Variants in AVL9 observed in about 807,000 individuals in gnomAD.
The protein encoded by AVL9 is AVL9 cell migration associated, also known as late secretory pathway protein AVL9 homolog.
AVL9 carries 49 observed loss-of-function variants against 79.2 expected under a neutral mutation model. The observed-to-expected ratio is 0.62, with a 90% CI of 0.49 to 0.79. The LOEUF (loss-of-function observed/expected upper bound fraction) is 0.79, where lower values mean the gene tolerates loss of function less well. AVL9 is among the 30% of genes least tolerant of loss of function. The probability of loss-of-function intolerance (pLI) is 0.00; values close to 1 mark genes in which losing one functional copy is unlikely to be tolerated. For missense variants in AVL9, 682 were observed against 776.8 expected, an observed-to-expected ratio of 0.88 and a Z score of 1.45; for synonymous variants, 299 against 280.6, an observed-to-expected ratio of 1.07 and a Z score of -0.65.
intron 6 of AVL9, among the ~76,000 whole-genome samples, chr7:32,552,832 C>A (rs895130173): frequency 5.3e-5 from 8 of 151,894 alleles, no homozygotes; most frequent in Non-Finnish European, 1.0e-4. Flanking sequence ...TTTTTCTTTT[C>A]TTTGCGTTAA....
chr7:32,573,842 A>C (rs1419223413), intron 12 of AVL9, among the ~76,000 whole-genome samples: 1 of 152,262 alleles, frequency 6.6e-6, no homozygotes, highest in Non-Finnish European at 1.5e-5. Flanking sequence ...GAATATAAAA[A>C]ATAGAAATCA....
intron 13 of AVL9, among the ~76,000 whole-genome samples, chr7:32,579,339 CACATATTTTATA>C (rs1468901617): frequency 0.013 from 105 of 8,396 alleles, 2 homozygotes; most frequent in African/African-American, 0.031. Context: ...ATATATATAA[CACATATTTTATA>C]TAATATATAA....
rs936321940 is a variant in AVL9, at chr7:32,541,958, A to G, written c.94-1183A>G. On this transcript the variant is annotated intron_variant, in intron 1 of 15. Coordinates refer to ENST00000318709, the MANE Select transcript of AVL9 (RefSeq NM_015060.3). ...TCGAACTTCTGGCCTCAAGTGATCC[A>G]CCCGCCTCAGCTCCCAAAGTGTTGA... is the stretch of plus-strand genomic sequence containing the variant. Among the ~76,000 whole-genome samples, 6 of 151,938 alleles carry G rather than the reference A, an allele frequency of 3.9e-5. 1 individual carries two copies. The South Asian group carries it at 1.0e-3, about 26-fold the overall frequency.
chr7:32,570,255 T>A, intron 11 of AVL9, 101 bp downstream of exon 11: 1 of 1,433,680 alleles, frequency 7.0e-7, no homozygotes, highest in South Asian at 1.2e-5. Context: ...GTAATGATAA[T>A]AACTGCATAC....
At chr7:32,561,339 T>C (rs1038214293) in intron 10 of AVL9, among the ~76,000 whole-genome samples, 5 of 152,266 alleles carry the variant, frequency 3.3e-5, no homozygotes, top group African/African-American at 1.2e-4. Flanking sequence ...AGCTAGATCT[T>C]CTGAATAACT....
intron 1 of AVL9, among the ~76,000 whole-genome samples, chr7:32,523,249 C>T (rs894217113): frequency 6.7e-6 from 1 of 149,488 alleles, no homozygotes; most frequent in Admixed American, 6.7e-5. Flanking sequence ...ACCATTTGCC[C>T]CAGATTGGAA....
intron 15 of AVL9, among the ~76,000 whole-genome samples, chr7:32,582,572 A>G (rs1183467403): frequency 6.6e-6 from 1 of 152,182 alleles, no homozygotes; most frequent in African/African-American, 2.4e-5. Flanking sequence ...ATTATACGTT[A>G]TTATTTTTTA....
At chr7:32,530,465 G>T (rs575701592) in intron 1 of AVL9, among the ~76,000 whole-genome samples, 2 of 152,136 alleles carry the variant, frequency 1.3e-5, no homozygotes, top group African/African-American at 4.8e-5. Flanking sequence ...AAATACTTAC[G>T]TTTCAATAAA....
chr7:32,556,071 A>G (rs1790039791), intron 8 of AVL9, among the ~76,000 whole-genome samples: 2 of 152,214 alleles, frequency 1.3e-5, no homozygotes, highest in Non-Finnish European at 2.9e-5. Context: ...TTTGTCTACA[A>G]CAAGTCAAGC....
chr7:32,547,355 G>A (rs1360326890), intron 3 of AVL9, among the ~76,000 whole-genome samples: 1 of 152,170 alleles, frequency 6.6e-6, no homozygotes, highest in East Asian at 1.9e-4. Flanking sequence ...CCTAAAAAAT[G>A]GAGTTAGTTA....
chr7:32,527,370 GT>G (rs959577920), intron 1 of AVL9, among the ~76,000 whole-genome samples: 2 of 152,178 alleles, frequency 1.3e-5, no homozygotes, highest in African/African-American at 4.8e-5. Flanking sequence ...GTTATGAGAA[GT>G]GCAGATAGTT....
intron 1 of AVL9, among the ~76,000 whole-genome samples, chr7:32,526,405 GAC>G (rs1788402004): frequency 1.3e-5 from 2 of 152,178 alleles, no homozygotes; most frequent in Non-Finnish European, 2.9e-5. Context: ...GGCAAGAAGA[GAC>G]AAACCGGGTT....
At chr7:32,503,368 A>ACG (rs1391682273) in intron 1 of AVL9, among the ~76,000 whole-genome samples, 1 of 42,886 alleles carries the variant, frequency 2.3e-5, no homozygotes, top group African/African-American at 6.6e-5. Flanking sequence ...AGAGATATAT[A>ACG]TATATACACA....
chr7:32,571,175 T>C (rs909860899), intron 11 of AVL9, among the ~76,000 whole-genome samples: 1 of 130,724 alleles, frequency 7.6e-6, no homozygotes, highest in African/African-American at 3.0e-5. Context: ...GAGGTTGCAG[T>C]GAGCCAAGAT....
At chr7:32,573,920 G>A (rs1443231778) in intron 12 of AVL9, among the ~76,000 whole-genome samples, 6 of 152,084 alleles carry the variant, frequency 3.9e-5, no homozygotes, top group Admixed American at 1.3e-4. Context: ...ATTATTATTC[G>A]TATTAAATGG....
intron 10 of AVL9, 74 bp downstream of exon 10, chr7:32,559,538 T>C (rs1461841515): frequency 1.4e-6 from 2 of 1,460,478 alleles, no homozygotes; most frequent in African/African-American, 1.4e-5. Context: ...TTTTGAACTT[T>C]TGGTATTCAA....
At position 32,551,432 on chromosome 7, in the gene AVL9, A is replaced by T. The variant is rs764039028; in HGVS notation, c.462+9A>T. 2.7e-6 allele frequency: 4 copies of T among 1,463,268 alleles called. No individual in the cohort carries two copies. Among genetic ancestry groups the T allele is most frequent in the East Asian group, 2.3e-5 (1 of 44,068 alleles). The allele number at this position is 1,463,268 out of a possible 1,614,324, so 90.6% of individuals were successfully genotyped here. A position where few individuals can be genotyped will look rare whatever the true frequency, so the allele number is the denominator to read the frequency against. On this transcript the variant is annotated intron_variant, in intron 5 of 15. Transcript: ENST00000318709. Reference sequence around the variant, plus strand: ...AAATTTCTATTCTAAAGGTAACTTTATACCCCTCTATAGATGTGTTTGGCT... The same window carrying T: ...AAATTTCTATTCTAAAGGTAACTTTTTACCCCTCTATAGATGTGTTTGGCT...
chr7:32,507,311 A>T (rs192358377), intron 1 of AVL9, among the ~76,000 whole-genome samples: 5 of 152,334 alleles, frequency 3.3e-5, no homozygotes, highest in Admixed American at 3.3e-4. Flanking sequence ...TTCCCAATAT[A>T]TAGATCACAC....
rs996482209 is a variant in AVL9 at position 32,585,954 on chromosome 7, T to C, written c.*2047T>C. The C allele has an allele frequency of 6.6e-6, 1 of 152,208 alleles. No individual in the cohort carries two copies. Among genetic ancestry groups the C allele is most frequent in the Non-Finnish European group, 1.5e-5 (1 of 68,040 alleles). 9.4% of individuals were successfully genotyped at this position (152,208 alleles called of 1,614,324 possible). A position where few individuals can be genotyped will look rare whatever the true frequency, so the allele number is the denominator to read the frequency against. ...CACATCATTCGTTGGAGCATGATAGTGTGATTTGTGTACAATTGTTACCTC... is the reference window on the plus strand; with the variant it reads ...CACATCATTCGTTGGAGCATGATAGCGTGATTTGTGTACAATTGTTACCTC... On this transcript the variant is annotated 3_prime_UTR_variant, in exon 16 of 16. Transcript: ENST00000318709.
Sources: allele counts gnomAD v4.1 joint callset (sites outside exome capture counted in the v4.1 genomes callset), GRCh38; gene constraint gnomAD v4.1.1; transcripts MANE v1.5; gene names NCBI Gene and HGNC (gene_info 2026-07-23, HGNC 2026-07-21).